EPHA5: variants seen among roughly 807,000 people sequenced by gnomAD.
EPHA5 encodes EPH receptor A5, also known as ephrin type-A receptor 5.
In EPHA5, 60 loss-of-function variants were observed where a neutral mutation model predicts 105.0. That is an observed-to-expected ratio of 0.57 (90% CI 0.46 to 0.71). The LOEUF is 0.71. Ranked by LOEUF, EPHA5 falls within the 30% of genes least tolerant of loss-of-function variation. The probability of loss-of-function intolerance (pLI) is 0.00; values close to 1 mark genes in which losing one functional copy is unlikely to be tolerated. For missense variants in EPHA5, 1,218 were observed against 1,274.7 expected (o/e 0.96, Z 0.68); for synonymous variants, 513 against 449.1 (o/e 1.14, Z -1.80).
At chr4:65,417,513 T>A (rs1453291484) in intron 6 of EPHA5, among the ~76,000 whole-genome samples, 1 of 152,114 alleles carries the variant, frequency 6.6e-6, no homozygotes, top group Non-Finnish European at 1.5e-5. Flanking sequence ...ACCAAAATAA[T>A]CACTTCCACC....
intron 3 of EPHA5, among the ~76,000 whole-genome samples, chr4:65,549,409 C>A (rs940005723): frequency 6.6e-6 from 1 of 152,006 alleles, no homozygotes; most frequent in African/African-American, 2.4e-5. Context: ...TGAATAATAA[C>A]AAAATGTAAG....
chr4:65,618,759 C>T (rs1183906832), intron 2 of EPHA5, among the ~76,000 whole-genome samples: 2 of 152,108 alleles, frequency 1.3e-5, no homozygotes, highest in African/African-American at 4.8e-5. Context: ...CTGTTAAGTT[C>T]CCATTGGAGA....
chr4:65,483,167 A>G (rs913300205), intron 5 of EPHA5, among the ~76,000 whole-genome samples: 1 of 152,154 alleles, frequency 6.6e-6, no homozygotes, highest in Admixed American at 6.5e-5. Context: ...AGCTTCATCC[A>G]TGTCCCTACA....
intron 5 of EPHA5, among the ~76,000 whole-genome samples, chr4:65,475,875 G>T (rs1258872803): frequency 2.0e-5 from 3 of 152,098 alleles, no homozygotes; most frequent in Non-Finnish European, 4.4e-5. Flanking sequence ...GAGCTCACAG[G>T]TGAGACAGAA....
chr4:65,549,275 A>T (rs987831536), intron 3 of EPHA5, among the ~76,000 whole-genome samples: 1 of 152,160 alleles, frequency 6.6e-6, no homozygotes, highest in Non-Finnish European at 1.5e-5. Context: ...GATCAAAAGC[A>T]TCCTTAAGAT....
At chr4:65,377,012 A>G in intron 8 of EPHA5, 1 of 1,608,838 alleles carries the variant, frequency 6.2e-7, no homozygotes, top group Non-Finnish European at 8.5e-7. Flanking sequence ...TTAGGCTTGG[A>G]TGGGCAACAG....
chr4:65,574,233 T>G (rs778472898), intron 3 of EPHA5: 119 of 1,601,608 alleles, frequency 7.4e-5, no homozygotes, highest in Non-Finnish European at 9.9e-5. Context: ...CTCACAAATT[T>G]TATCAAAAAT....
chr4:65,457,333 G>A (rs1321208138), intron 5 of EPHA5, among the ~76,000 whole-genome samples: 1 of 152,124 alleles, frequency 6.6e-6, no homozygotes, highest in Non-Finnish European at 1.5e-5. Context: ...TAACTGGGGA[G>A]ACACTATACC....
rs2148990891 is a variant in EPHA5, at chr4:65,404,420, C to T, written c.1747G>A (p.Gly583Arg). The T allele has an allele frequency of 6.2e-7, 1 of 1,613,736 alleles. No homozygotes were observed. The highest frequency in any genetic ancestry group is 8.5e-7 in the Non-Finnish European group (1 of 1,179,798). Residue 583 changes from glycine to arginine, a missense_variant, in exon 8 of 17, where the codon GGA becomes AGA. Physicochemically the swap from Gly to Arg is moderately radical, Grantham distance 125 (BLOSUM62 -2). This residue lies in a region of EPHA5 where 971 missense variants were observed against 1,013.5 expected (regional missense o/e 0.96). Coordinates refer to ENST00000613740, the MANE Select transcript of EPHA5 (RefSeq NM_001281766.3). ...IPVIAVSVTV[G>R]VILLAVVIGV... ...ATAACCACTGCCAACAAAATGACTC[C>T]CACTGTCACAGACACAGCAATTACA...
In EPHA5 at chr4:65,535,549, T is replaced by A. The variant is rs544425896; in HGVS notation, c.911-40006A>T. On this transcript the variant is annotated intron_variant, in intron 3 of 16. Transcript: ENST00000613740. ...CTCTTTCCCATCCCATCAGTTAGTA[T>A]TATAAATTTTTAAGGCAATTTATTA... Among the ~76,000 whole-genome samples the A allele has an allele frequency of 3.3e-5, 5 of 152,260 alleles. No homozygotes were observed. The South Asian group carries it at 1.0e-3, about 32-fold the overall frequency.
chr4:65,518,057 A>T (rs1191612352), intron 3 of EPHA5, among the ~76,000 whole-genome samples: 1 of 151,928 alleles, frequency 6.6e-6, no homozygotes, highest in East Asian at 1.9e-4. Flanking sequence ...CTGTCTTACA[A>T]ATCAGACTAG....
chr4:65,617,776 C>T (rs973943461), intron 2 of EPHA5, among the ~76,000 whole-genome samples: 1 of 152,046 alleles, frequency 6.6e-6, no homozygotes, highest in Non-Finnish European at 1.5e-5. Context: ...AGAATTGAAT[C>T]TAGTTGGAAA....
At chr4:65,578,018 CAA>C (rs1339726389) in intron 3 of EPHA5, among the ~76,000 whole-genome samples, 3 of 152,126 alleles carry the variant, frequency 2.0e-5, no homozygotes, top group Non-Finnish European at 4.4e-5. Context: ...TAAGTGAATA[CAA>C]GTTAATTATA....
In EPHA5 at chr4:65,348,207, A is replaced by T. The variant is rs1722405750; in HGVS notation, c.2446-4T>A. On this transcript the variant is annotated splice_polypyrimidine_tract_variant and splice_region_variant and intron_variant, in intron 13 of 16. Coordinates refer to ENST00000613740, the MANE Select transcript of EPHA5 (RefSeq NM_001281766.3). The stretch of plus-strand genomic sequence containing the variant: ...ATCTGATTGGAATTTTTCCTCCCTA[A>T]AATTGAAAAAGATTTAAAAAACTTC... 1 of 1,607,626 alleles carries T rather than the reference A, an allele frequency of 6.2e-7. No individual in the cohort carries two copies. Among genetic ancestry groups the T allele is most frequent in the Non-Finnish European group, 8.5e-7 (1 of 1,177,690 alleles).
rs1436235394 is a variant in EPHA5 at position 65,323,093 on chromosome 4, C to G, written c.*1021G>C. On this transcript the variant is annotated 3_prime_UTR_variant, in exon 17 of 17. Transcript: ENST00000613740. ...GGACTCAGAAAGGTGAAATTTCTTA[C>G]AGGGGTACAAGATTAATGGCTAGAA... is the stretch of plus-strand genomic sequence containing the variant. 4.4e-6 allele frequency: 1 copy of G among 228,566 alleles called. No homozygotes were observed. The highest frequency in any genetic ancestry group is 6.2e-5 in the East Asian group (1 of 16,166). 14.2% of individuals were successfully genotyped at this position (228,566 alleles called of 1,614,324 possible).
intron 3 of EPHA5, among the ~76,000 whole-genome samples, chr4:65,571,231 T>C (rs1430564444): frequency 6.6e-6 from 1 of 152,014 alleles, no homozygotes; most frequent in Non-Finnish European, 1.5e-5. Flanking sequence ...AGACTATATC[T>C]TAAATTTACT....
chr4:65,324,045 TAAAA>T lies in EPHA5; in HGVS notation c.*65_*68del. 2.9e-6 allele frequency: 3 copies of T among 1,038,520 alleles called. No homozygotes were observed. The highest frequency in any genetic ancestry group is 4.4e-6 in the Non-Finnish European group (3 of 685,430). 64.3% of individuals were successfully genotyped at this position (1,038,520 alleles called of 1,614,324 possible). A position where few individuals can be genotyped will look rare whatever the true frequency, so the allele number is the denominator to read the frequency against. ...TTTTCCCTTTTCCCCCTTTTTTTGT[TAAAA>T]TAAATCTCAGTGCTGTTTACAAAGT... On this transcript the variant is annotated 3_prime_UTR_variant, in exon 17 of 17. Transcript: ENST00000613740.
intron 16 of EPHA5, among the ~76,000 whole-genome samples, chr4:65,330,294 C>A (rs1720483765): frequency 6.7e-6 from 1 of 150,070 alleles, no homozygotes; most frequent in African/African-American, 2.4e-5. Context: ...TGAAAGAAAA[C>A]AAAAACTAAA....
chr4:65,550,949 A>G (rs1464917060), intron 3 of EPHA5, among the ~76,000 whole-genome samples: 4 of 152,102 alleles, frequency 2.6e-5, no homozygotes, highest in Non-Finnish European at 5.9e-5. Flanking sequence ...ACTAGATTAC[A>G]GAACACATTA....
Sources: gnomAD v4.1 joint callset for allele counts (sites outside exome capture counted in the v4.1 genomes callset) on GRCh38, gnomAD v4.1.1 for gene constraint, gnomAD v4.1.1 regional missense constraint, MANE v1.5 for transcripts, NCBI Gene and HGNC (gene_info 2026-07-23, HGNC 2026-07-21) for gene names.